The following ABHD5 variants were observed in gnomAD, a reference collection of about 807,000 sequenced individuals.
ABHD5 encodes 1-acylglycerol-3-phosphate O-acyltransferase ABHD5.
ABHD5 carries 30 observed loss-of-function variants against 44.9 expected under a neutral mutation model. The observed-to-expected ratio is 0.67, with a 90% confidence interval of 0.50 to 0.91. The LOEUF (loss-of-function observed/expected upper bound fraction) is 0.91. Among genes scored for constraint, ABHD5 ranks in the 40% least tolerant of loss-of-function variants. The probability of loss-of-function intolerance (pLI) is 0.00; values close to 1 mark genes in which losing one functional copy is unlikely to be tolerated. For synonymous variants in ABHD5, 167 were observed against 147.0 expected (o/e 1.14, Z -0.99); for missense variants, 399 against 423.4 (o/e 0.94, Z 0.50).
intron 4 of ABHD5, among the ~76,000 whole-genome samples, chr3:43,714,117 C>CT (rs1297253600): frequency 4.7e-5 from 7 of 149,418 alleles, no homozygotes; most frequent in African/African-American, 1.7e-4. Context: ...CTTTTCTTTT[C>CT]TTTCTTTCTT....
Position 43,722,476 on chromosome 3 carries a change from G to GCAGAGGAGAAAAGAGAC in ABHD5, c.*3944_*3945insCAGAGGAGAAAAGAGAC, listed in dbSNP as rs2084848273. On this transcript the variant is annotated 3_prime_UTR_variant, in exon 7 of 7. Coordinates refer to ENST00000644371, the MANE Select transcript of ABHD5 (RefSeq NM_016006.6). ...CCTTGTTAGTGGTGGTAGGGAGCTAGACAAGGATGGCAACTATTTCTGTAT... is the reference window on the plus strand; with the variant it reads ...CCTTGTTAGTGGTGGTAGGGAGCTAGCAGAGGAGAAAAGAGACACAAGGATGGCAACTATTTCTGTAT... The GCAGAGGAGAAAAGAGAC allele has an allele frequency of 6.6e-6, 1 of 152,204 alleles. No individual in the cohort carries two copies. Among genetic ancestry groups the GCAGAGGAGAAAAGAGAC allele is most frequent in the South Asian group, 2.1e-4 (1 of 4,818 alleles). The allele number at this position is 152,204 out of a possible 1,614,324, so 9.4% of individuals were successfully genotyped here. A position where few individuals can be genotyped will look rare whatever the true frequency, so the allele number is the denominator to read the frequency against.
rs777005988 is a variant in ABHD5, at chr3:43,702,341, G to T, written c.260G>T (p.Gly87Val). The T allele has an allele frequency of 1.2e-6, 2 of 1,613,986 alleles. No individual in the cohort carries two copies. The highest frequency in any genetic ancestry group is 1.7e-5 in the Admixed American group (1 of 60,018). ...PLVLLHGFGGGLGLWALNFGD... is the reference protein window; with the variant it reads ...PLVLLHGFGGVLGLWALNFGD... ...GTCCTTCTCCATGGTTTTGGAGGAG[G>T]TCTTGGGCTCTGGGCACTGAATTTT... Residue 87 changes from glycine to valine, a missense_variant, in exon 3 of 7, where the codon GGT becomes GTT. Physicochemically the swap from Gly to Val is moderately radical, Grantham distance 109 (BLOSUM62 -3). Coordinates refer to ENST00000644371, the MANE Select transcript of ABHD5 (RefSeq NM_016006.6).
intron 5 of ABHD5, among the ~76,000 whole-genome samples, chr3:43,715,994 A>C (rs1031910325): frequency 2.6e-5 from 4 of 152,202 alleles, no homozygotes; most frequent in Non-Finnish European, 5.9e-5. Context: ...GGGATTCTGC[A>C]TGTATTTTGA....
chr3:43,705,616 A>G (rs1369037800), intron 3 of ABHD5, among the ~76,000 whole-genome samples: 1 of 152,240 alleles, frequency 6.6e-6, no homozygotes, highest in Non-Finnish European at 1.5e-5. Context: ...CTAATAGACC[A>G]GATAATACCC....
intron 1 of ABHD5, among the ~76,000 whole-genome samples, chr3:43,695,860 C>G (rs1451195213): frequency 6.6e-6 from 1 of 152,200 alleles, no homozygotes; most frequent in Non-Finnish European, 1.5e-5. Context: ...TTAAGCACAT[C>G]TTACTTGGCT....
At chr3:43,703,144 T>A (rs2084566454) in intron 3 of ABHD5, among the ~76,000 whole-genome samples, 1 of 151,854 alleles carries the variant, frequency 6.6e-6, no homozygotes, top group South Asian at 2.1e-4. Context: ...AATGAACATT[T>A]GCTTCAAAGT....
intron 1 of ABHD5, among the ~76,000 whole-genome samples, chr3:43,698,978 A>AT (rs374105975): frequency 4.6e-5 from 7 of 152,086 alleles, no homozygotes; most frequent in African/African-American, 1.4e-4. Flanking sequence ...GGAGGAATGC[A>AT]TTTTTTGTGT....
intron 1 of ABHD5, chr3:43,691,295 G>T: frequency 2.9e-6 from 1 of 346,622 alleles, no homozygotes; most frequent in Non-Finnish European, 5.2e-6. Flanking sequence ...AGGCCGCCTT[G>T]ACCCCGCGCG....
At chr3:43,705,467 G>A (rs971146186) in intron 3 of ABHD5, among the ~76,000 whole-genome samples, 2 of 152,150 alleles carry the variant, frequency 1.3e-5, no homozygotes, top group Non-Finnish European at 2.9e-5. Flanking sequence ...ACACACACAC[G>A]TATATACATA....
chr3:43,703,973 T>C (rs2084581323), intron 3 of ABHD5, among the ~76,000 whole-genome samples: 2 of 152,064 alleles, frequency 1.3e-5, no homozygotes, highest in Non-Finnish European at 2.9e-5. Context: ...ACCTGTTCTT[T>C]AAAAAGAAAT....
At chr3:43,703,426 C>G (rs940295290) in intron 3 of ABHD5, among the ~76,000 whole-genome samples, 7 of 152,122 alleles carry the variant, frequency 4.6e-5, no homozygotes, top group Admixed American at 1.3e-4. Flanking sequence ...TGATCCACCC[C>G]CCTCGGCCTC....
chr3:43,723,663 T>G (rs1451567722), downstream of ABHD5, among the ~76,000 whole-genome samples: 1 of 152,158 alleles, frequency 6.6e-6, no homozygotes, highest in Admixed American at 6.5e-5. Context: ...ACACAGGAGA[T>G]TGAAAAGCAC....
At chr3:43,705,601 C>T (rs1422661242) in intron 3 of ABHD5, among the ~76,000 whole-genome samples, 1 of 152,122 alleles carries the variant, frequency 6.6e-6, no homozygotes, top group Non-Finnish European at 1.5e-5. Context: ...TACTTTTTCC[C>T]TGTTCTAATA....
chr3:43,716,239 T>C (rs1471780522), intron 5 of ABHD5, among the ~76,000 whole-genome samples: 1 of 152,104 alleles, frequency 6.6e-6, no homozygotes, highest in East Asian at 1.9e-4. Flanking sequence ...CATGCTATGT[T>C]GTGTACTGGA....
intron 3 of ABHD5, among the ~76,000 whole-genome samples, chr3:43,706,988 A>G (rs762430188): frequency 4.6e-5 from 7 of 152,194 alleles, no homozygotes; most frequent in Non-Finnish European, 8.8e-5. Flanking sequence ...TGAAGAGAAG[A>G]ATGAAAAGGC....
In ABHD5 at chr3:43,718,621, A is replaced by G. The variant is rs2084798488; in HGVS notation, c.*89A>G. 8 of 1,263,542 alleles carry G rather than the reference A, an allele frequency of 6.3e-6. No homozygotes were observed. The East Asian group carries it at 1.4e-4, about 22-fold the overall frequency. The allele number at this position is 1,263,542 out of a possible 1,614,324, so 78.3% of individuals were successfully genotyped here. On this transcript the variant is annotated 3_prime_UTR_variant, in exon 7 of 7. Transcript: ENST00000644371. Reference sequence around the variant, plus strand: ...TCTGTGATGAAGAGTAGTGAATACAACACACAACCAGGCAGCCTTCTTGAC... The same window carrying G: ...TCTGTGATGAAGAGTAGTGAATACAGCACACAACCAGGCAGCCTTCTTGAC...
At chr3:43,724,794 C>A (rs564685451), downstream of ABHD5, among the ~76,000 whole-genome samples, 1 of 152,136 alleles carries the variant, frequency 6.6e-6, no homozygotes, top group African/African-American at 2.4e-5. Flanking sequence ...AACACACACA[C>A]ACCCGTATAT....
Position 43,721,071 on chromosome 3 carries a change from C to T in ABHD5, c.*2539C>T, listed in dbSNP as rs1341302707. On this transcript the variant is annotated 3_prime_UTR_variant, in exon 7 of 7. Transcript: ENST00000644371. ...ACTGGAAAGAATAAACAAAAATAGC[C>T]AGAAGATGCCTAGAAAAGAACAATG... 1 of 151,914 alleles carries T rather than the reference C, an allele frequency of 6.6e-6. No homozygotes were observed. The highest frequency in any genetic ancestry group is 2.4e-5 in the African/African-American group (1 of 41,350). 9.4% of individuals were successfully genotyped at this position (151,914 alleles called of 1,614,324 possible). A position where few individuals can be genotyped will look rare whatever the true frequency, so the allele number is the denominator to read the frequency against.
chr3:43,699,556 G>A (rs1052373241), intron 2 of ABHD5, 195 bp downstream of exon 2: 1 of 581,386 alleles, frequency 1.7e-6, no homozygotes. Context: ...AAACTTTTTG[G>A]TCTTGGGCCC....
Sources: allele counts gnomAD v4.1 joint callset (sites outside exome capture counted in the v4.1 genomes callset), GRCh38; gene constraint gnomAD v4.1.1; transcripts MANE v1.5; gene names NCBI Gene and HGNC (gene_info 2026-07-23, HGNC 2026-07-21).